SPATA19: variants seen among roughly 807,000 people sequenced by gnomAD.
SPATA19 encodes spermatogenesis-associated protein 19, mitochondrial.
In SPATA19, 19 loss-of-function variants were observed where a neutral mutation model predicts 25.0. That is an observed-to-expected ratio of 0.76 (90% confidence interval 0.53 to 1.11). SPATA19 has a LOEUF of 1.11. SPATA19 is among the 50% of genes most tolerant of loss of function. The pLI is 0.00. For synonymous variants in SPATA19, 64 were observed against 69.3 expected, an observed-to-expected ratio of 0.92 and a Z score of 0.38; for missense variants, 222 against 211.4, an observed-to-expected ratio of 1.05 and a Z score of -0.31.
intron 1 of SPATA19, 53 bp from the exon 2 acceptor site, chr11:133,845,243 T>TAGCCCC: frequency 6.4e-7 from 1 of 1,555,102 alleles, no homozygotes; most frequent in Non-Finnish European, 8.8e-7. Flanking sequence ...ATTCAGCTCT[T>TAGCCCC]CCCACCCAGC....
chr11:133,836,551 A>G (rs1938217173), downstream of SPATA19, among the ~76,000 whole-genome samples: 1 of 152,216 alleles, frequency 6.6e-6, no homozygotes, highest in Admixed American at 6.5e-5. Flanking sequence ...AACTCTGGCT[A>G]TGCCATTTCA....
intron 4 of SPATA19, among the ~76,000 whole-genome samples, chr11:133,843,738 T>A (rs965947619): frequency 2.0e-5 from 3 of 152,090 alleles, no homozygotes; most frequent in African/African-American, 7.2e-5. Flanking sequence ...TCAGGCCAGC[T>A]CCCTGGGCCT....
intron 5 of SPATA19, 56 bp downstream of exon 5, chr11:133,842,429 C>T: frequency 7.0e-7 from 1 of 1,424,852 alleles, no homozygotes; most frequent in Non-Finnish European, 9.9e-7. Flanking sequence ...AGCAGTCACC[C>T]CCACCCTACC....
At chr11:133,844,209 T>C (rs760991999) in intron 4 of SPATA19, 37 bp downstream of exon 4, 38 of 1,552,878 alleles carry the variant, frequency 2.4e-5, no homozygotes, top group Non-Finnish European at 3.4e-5. Flanking sequence ...CATCTCTCCC[T>C]CCCCTTCCTT....
At chr11:133,844,198 G>T in intron 4 of SPATA19, 48 bp downstream of exon 4, 3 of 1,473,524 alleles carry the variant, frequency 2.0e-6, no homozygotes, top group Non-Finnish European at 1.9e-6. Flanking sequence ...AGGGGCTTGC[G>T]CATCTCTCCC....
downstream of SPATA19, among the ~76,000 whole-genome samples, chr11:133,839,403 C>T (rs1460287531): frequency 6.6e-6 from 1 of 152,040 alleles, no homozygotes; most frequent in Admixed American, 6.6e-5. Context: ...AAACTGGAAA[C>T]CATCTTTCTC....
chr11:133,835,947 A>G (rs1938205112), downstream of SPATA19, among the ~76,000 whole-genome samples: 1 of 152,026 alleles, frequency 6.6e-6, no homozygotes, highest in Admixed American at 6.6e-5. Flanking sequence ...TGCCCAGTGG[A>G]TCCTTCCTGG....
chr11:133,836,881 G>A (rs1938222252), downstream of SPATA19, among the ~76,000 whole-genome samples: 1 of 152,146 alleles, frequency 6.6e-6, no homozygotes, highest in Non-Finnish European at 1.5e-5. Context: ...AGAAAGCCAG[G>A]CTGGGGTTCT....
At chr11:133,844,457 C>T in intron 3 of SPATA19, 52 bp downstream of exon 3, 1 of 1,613,762 alleles carries the variant, frequency 6.2e-7, no homozygotes, top group Non-Finnish European at 8.5e-7. Flanking sequence ...CCTCCCACCT[C>T]TCCCCTCTCC....
chr11:133,838,616 A>G (rs989069854), downstream of SPATA19, among the ~76,000 whole-genome samples: 29 of 152,326 alleles, frequency 1.9e-4, no homozygotes, highest in African/African-American at 7.0e-4. Flanking sequence ...GGACATAGGC[A>G]TGGGCAAGGA....
At chr11:133,845,013 G>T in intron 2 of SPATA19, 121 bp downstream of exon 2, 1 of 841,144 alleles carries the variant, frequency 1.2e-6, no homozygotes, top group East Asian at 2.5e-5. Flanking sequence ...AATCTAGGAA[G>T]GGTGTCTGGC....
chr11:133,845,068 C>A, intron 2 of SPATA19, 66 bp downstream of exon 2: 1 of 1,378,768 alleles, frequency 7.3e-7, no homozygotes, highest in South Asian at 1.3e-5. Context: ...GTCCAGATCC[C>A]CACACCCACT....
At chr11:133,838,971 C>A (rs1405722006), downstream of SPATA19, among the ~76,000 whole-genome samples, 1 of 151,928 alleles carries the variant, frequency 6.6e-6, no homozygotes, top group Non-Finnish European at 1.5e-5. Context: ...CAAATCAAAA[C>A]CACAATGGGA....
In SPATA19 at chr11:133,844,525, T is replaced by C. The variant is rs1420781064; in HGVS notation, c.251A>G (p.His84Arg). ...DSPPTHGQDI[H>R]VTRDVVKHHL... ...CTCATTTACCACATCTCTGGTCACG[T>C]GGATGTCCTGGCCATGGGTGGGAGG... is the stretch of plus-strand genomic sequence containing the variant. The change falls in exon 3 of 7, where the codon CAC becomes CGC. Residue 84 changes from histidine to arginine, a missense_variant. His to Arg is a conservative substitution (Grantham distance 29, BLOSUM62 0). Transcript: ENST00000299140. The C allele has an allele frequency of 6.2e-7, 1 of 1,614,070 alleles. No homozygotes were observed.
chr11:133,841,348 T>G (rs920624641), intron 6 of SPATA19, among the ~76,000 whole-genome samples: 6 of 152,226 alleles, frequency 3.9e-5, no homozygotes, highest in Non-Finnish European at 1.5e-5. Flanking sequence ...CAGTAAGTCC[T>G]TGATAAATGC....
chr11:133,841,026 G>A (rs1938294902), intron 6 of SPATA19, 103 bp from the exon 7 acceptor site: 1 of 152,182 alleles, frequency 6.6e-6, no homozygotes, highest in South Asian at 2.1e-4. Context: ...TGCGAACTGT[G>A]TACCCTCCCA....
At position 133,845,443 on chromosome 11, in the gene SPATA19, T is replaced by C. The variant is rs777521909; in HGVS notation, c.4A>G (p.Ile2Val). Residue 2 changes from isoleucine to valine, a missense_variant, in exon 1 of 7, where the codon ATA becomes GTA. Coordinates refer to ENST00000299140, the MANE Select transcript of SPATA19 (RefSeq NM_174927.3). ...ATATACACAATCCATGTCGTAATTA[T>C]CATCTTTGAATGTATACCAGGCCCC... is the stretch of plus-strand genomic sequence containing the variant. The part of the protein sequence containing the change: M[I>V]ITTWIVYILA... 1 of 1,614,114 alleles carries C rather than the reference T, an allele frequency of 6.2e-7. No homozygotes were observed.
intron 3 of SPATA19, 73 bp downstream of exon 3, chr11:133,844,436 T>C: frequency 6.2e-7 from 1 of 1,612,628 alleles, no homozygotes; most frequent in Non-Finnish European, 8.5e-7. Context: ...CCCAGAATCA[T>C]TTACGGTGCA....
At chr11:133,836,870 A>G (rs1938221940), downstream of SPATA19, among the ~76,000 whole-genome samples, 1 of 152,184 alleles carries the variant, frequency 6.6e-6, no homozygotes, top group Admixed American at 6.5e-5. Flanking sequence ...CAAAGTGGTC[A>G]AGAAAGCCAG....
Sources: allele counts gnomAD v4.1 joint callset (sites outside exome capture counted in the v4.1 genomes callset), GRCh38; gene constraint gnomAD v4.1.1; transcripts MANE v1.5; gene names NCBI Gene and HGNC (gene_info 2026-07-23, HGNC 2026-07-21).